Variants in TMTC1 observed in about 807,000 individuals in gnomAD.
TMTC1 encodes protein O-mannosyl-transferase TMTC1.
In TMTC1, 73 loss-of-function variants were observed where a neutral mutation model predicts 104.8. That is an observed-to-expected ratio of 0.70 (90% CI 0.58 to 0.85). TMTC1 has a LOEUF of 0.85. TMTC1 is among the 40% of genes least tolerant of loss of function. The pLI, the probability that TMTC1 is intolerant of heterozygous loss-of-function variation, is 0.00. For missense variants in TMTC1, 1,035 were observed against 1,096.1 expected (o/e 0.94, Z 0.79); for synonymous variants, 434 against 428.7 (o/e 1.01, Z -0.15).
chr12:29,538,671 T>A (rs73263832), intron 10 of TMTC1, among the ~76,000 whole-genome samples: 14 of 152,272 alleles, frequency 9.2e-5, no homozygotes, highest in African/African-American at 3.4e-4. Context: ...TCTATGAACC[T>A]AAATGCTTGA....
chr12:29,562,720 C>T (rs1314782502), intron 9 of TMTC1, among the ~76,000 whole-genome samples: 1 of 152,174 alleles, frequency 6.6e-6, no homozygotes, highest in Non-Finnish European at 1.5e-5. Flanking sequence ...AGCTTAATAA[C>T]ATATTGACCT....
intron 5 of TMTC1, among the ~76,000 whole-genome samples, chr12:29,713,898 T>G (rs1342569839): frequency 6.6e-6 from 1 of 152,170 alleles, no homozygotes; most frequent in Non-Finnish European, 1.5e-5. Flanking sequence ...GTGTTGGTCA[T>G]GAGGGTGGGG....
intron 6 of TMTC1, among the ~76,000 whole-genome samples, chr12:29,612,215 C>G (rs1946863414): frequency 6.6e-6 from 1 of 152,072 alleles, no homozygotes. Context: ...CTGGAGGTGG[C>G]CAAATGAGAC....
chr12:29,670,944 G>GAA (rs58358262), intron 5 of TMTC1, among the ~76,000 whole-genome samples: 1 of 62,606 alleles, frequency 1.6e-5, no homozygotes, highest in Non-Finnish European at 3.8e-5. Context: ...CAAAAAAAAA[G>GAA]AAAAAAAAGG....
intron 2 of TMTC1, among the ~76,000 whole-genome samples, chr12:29,767,241 C>T (rs887852958): frequency 6.6e-6 from 1 of 152,196 alleles, no homozygotes; most frequent in Non-Finnish European, 1.5e-5. Context: ...GCGTGAGCCA[C>T]CACACCCAGC....
intron 6 of TMTC1, among the ~76,000 whole-genome samples, chr12:29,611,760 G>A (rs1946851682): frequency 6.6e-6 from 1 of 152,204 alleles, no homozygotes; most frequent in African/African-American, 2.4e-5. Flanking sequence ...TTGAAAGTCT[G>A]GTTTAACTTA....
At chr12:29,539,073 A>G (rs1469561915) in intron 10 of TMTC1, among the ~76,000 whole-genome samples, 1 of 152,222 alleles carries the variant, frequency 6.6e-6, no homozygotes, top group Non-Finnish European at 1.5e-5. Flanking sequence ...AGGAATGAAG[A>G]GAATATTTCT....
chr12:29,733,099 G>T (rs1057336822), intron 5 of TMTC1, among the ~76,000 whole-genome samples: 2 of 152,106 alleles, frequency 1.3e-5, no homozygotes, highest in African/African-American at 2.4e-5. Context: ...TCTTTTCTCT[G>T]AACTCAATTT....
At chr12:29,754,082 G>A (rs57756035) in intron 4 of TMTC1, among the ~76,000 whole-genome samples, 1 of 151,678 alleles carries the variant, frequency 6.6e-6, no homozygotes, top group Non-Finnish European at 1.5e-5. Context: ...GGCTAGGATG[G>A]TCTCTATCTC....
chr12:29,528,878 AATAAT>A (rs1374511294), intron 11 of TMTC1, among the ~76,000 whole-genome samples: 9 of 151,990 alleles, frequency 5.9e-5, no homozygotes, highest in East Asian at 5.8e-4. Flanking sequence ...CTTAAACATA[AATAAT>A]ATATTTATAT....
upstream of TMTC1, chr12:29,784,531 A>C (rs2120721711): frequency 1.3e-5 from 2 of 152,326 alleles, 1 homozygote; most frequent in Non-Finnish European, 2.9e-5. Flanking sequence ...CAAAGCCAGG[A>C]GAAGGGGTCT....
chr12:29,694,861 A>G (rs1941370803), intron 5 of TMTC1, among the ~76,000 whole-genome samples: 1 of 152,110 alleles, frequency 6.6e-6, no homozygotes, highest in African/African-American at 2.4e-5. Context: ...AATTGCTTGA[A>G]CCTGGGAGGC....
Position 29,633,136 on chromosome 12 carries a change from GAGAAAATTACCTT to G in TMTC1, c.1126_1128+10del. ...CAAATGCAGAGTTCATTCTACTTTT[GAGAAAATTACCTT>G]AAAGGCTGCTAAGCAGTGCAGGCTC... On this transcript the variant is annotated splice_donor_variant and splice_donor_5th_base_variant and coding_sequence_variant and intron_variant, in exon 6 of 18. Coordinates refer to ENST00000539277, the MANE Select transcript of TMTC1 (RefSeq NM_001193451.2). LOFTEE classifies it high-confidence loss of function. The G allele has an allele frequency of 6.2e-7, 1 of 1,603,434 alleles. No homozygotes were observed. The highest frequency in any genetic ancestry group is 8.5e-7 in the Non-Finnish European group (1 of 1,172,140).
intron 7 of TMTC1, among the ~76,000 whole-genome samples, chr12:29,598,443 C>A (rs1432121873): frequency 6.6e-6 from 1 of 152,190 alleles, no homozygotes; most frequent in Non-Finnish European, 1.5e-5. Context: ...AGACAGCATT[C>A]TGATAAAGAT....
chr12:29,696,906 ATTC>A (rs947188267), intron 5 of TMTC1, among the ~76,000 whole-genome samples: 5 of 152,222 alleles, frequency 3.3e-5, no homozygotes, highest in African/African-American at 4.8e-5. Context: ...AAGGAATATT[ATTC>A]TTATTAGATG....
chr12:29,636,107 A>G (rs1408192885), intron 5 of TMTC1, among the ~76,000 whole-genome samples: 4 of 152,206 alleles, frequency 2.6e-5, no homozygotes, highest in Non-Finnish European at 5.9e-5. Context: ...ACTAACATAC[A>G]CACATATGAA....
chr12:29,530,774 T>C (rs190285762), intron 11 of TMTC1, among the ~76,000 whole-genome samples: 78 of 151,736 alleles, frequency 5.1e-4, no homozygotes, highest in Non-Finnish European at 7.1e-4. Flanking sequence ...CTTTCCAAAT[T>C]TGTAGATCTC....
chr12:29,770,920 G>C (rs4931218), intron 1 of TMTC1, among the ~76,000 whole-genome samples: 59,606 of 151,648 alleles, frequency 0.39, 12,205 homozygotes, highest in Admixed American at 0.54. Context: ...TAATAGAAAA[G>C]GGGATGTGAT....
chr12:29,507,738 T>C (rs190404867), intron 17 of TMTC1, among the ~76,000 whole-genome samples: 262 of 152,312 alleles, frequency 1.7e-3, no homozygotes, highest in African/African-American at 5.1e-3. Flanking sequence ...CAGTCACAGC[T>C]ATTAGCTTTT....
Sources: allele counts gnomAD v4.1 joint callset (sites outside exome capture counted in the v4.1 genomes callset), GRCh38; gene constraint gnomAD v4.1.1; transcripts MANE v1.5; gene names NCBI Gene and HGNC (gene_info 2026-07-23, HGNC 2026-07-21).